DDO: variants seen among roughly 807,000 people sequenced by gnomAD.
The protein encoded by DDO is D-aspartate oxidase, DDO.
Under a neutral mutation model 16.8 loss-of-function variants are expected in DDO, and 16 were observed. The observed-to-expected ratio is 0.95, with a 90% CI of 0.65 to 1.45. The LOEUF (loss-of-function observed/expected upper bound fraction) is 1.45. DDO is among the 40% of genes most tolerant of loss of function. The pLI, the probability that DDO is intolerant of heterozygous loss-of-function variation, is 0.00. For synonymous variants in DDO, 180 were observed against 167.2 expected, an observed-to-expected ratio of 1.08 and a Z score of -0.59; for missense variants, 429 against 420.3, an observed-to-expected ratio of 1.02 and a Z score of -0.18.
intron 2 of DDO, among the ~76,000 whole-genome samples, chr6:110,411,789 A>T (rs1221367715): frequency 2.0e-5 from 3 of 152,206 alleles, no homozygotes; most frequent in Non-Finnish European, 4.4e-5. Context: ...GATAAAAAAT[A>T]AAAAATAAAA....
intron 2 of DDO, among the ~76,000 whole-genome samples, chr6:110,412,326 C>T (rs576173971): frequency 5.9e-5 from 9 of 151,940 alleles, no homozygotes; most frequent in African/African-American, 1.4e-4. Context: ...TGATTACAAA[C>T]ATATTGATAA....
At chr6:110,405,036 T>C (rs760789679) in intron 3 of DDO, 86 bp from the exon 4 acceptor site, 16 of 1,225,616 alleles carry the variant, frequency 1.3e-5, no homozygotes, top group Non-Finnish European at 1.8e-5. Context: ...CTCTAGAGCA[T>C]TTATTTTATT....
chr6:110,413,835 G>A lies in DDO; in HGVS notation c.-4-369C>T, dbSNP rs7742777. ...GTTGCCCAGCCTGGAGTACAGCGAC[G>A]AGATCTCGGCTCACTGCAACCTCCG... On this transcript the variant is annotated intron_variant, in intron 1 of 4. Transcript: ENST00000368924. 2.4e-3 allele frequency among the ~76,000 whole-genome samples: 370 copies of A among 152,122 alleles called. 1 individual carries two copies. The highest frequency in any genetic ancestry group is 4.6e-3 in the Non-Finnish European group (312 of 67,986).
intron 4 of DDO, among the ~76,000 whole-genome samples, chr6:110,395,133 G>A (rs1327131083): frequency 6.6e-6 from 1 of 152,224 alleles, no homozygotes; most frequent in Admixed American, 6.5e-5. Context: ...TCTGCAGAAA[G>A]TGTTTTTGGA....
In DDO at chr6:110,394,785, C is replaced by G. The variant is rs186514784; in HGVS notation, c.459-1443G>C. On this transcript the variant is annotated intron_variant, in intron 4 of 4. Transcript: ENST00000368924. ...CTTCAAATCTCAGTTTCCTCATCTG[C>G]ATCATGGGGAGGATACCTCCCTTGC... Among the ~76,000 whole-genome samples, 15 of 152,344 alleles carry G rather than the reference C, an allele frequency of 9.8e-5. 1 individual carries two copies. The highest frequency in any genetic ancestry group is 9.1e-4 in the Admixed American group (14 of 15,312).
chr6:110,413,261 G>T (rs754687239), intron 2 of DDO, 30 bp downstream of exon 2: 2 of 1,606,848 alleles, frequency 1.2e-6, no homozygotes, highest in Non-Finnish European at 1.7e-6. Context: ...GACATCTATT[G>T]TATCTGATAG....
chr6:110,392,439 G>T lies in DDO; in HGVS notation c.*336C>A. On this transcript the variant is annotated 3_prime_UTR_variant, in exon 5 of 5. Transcript: ENST00000368924. The stretch of plus-strand genomic sequence containing the variant: ...TTTTTAACAAAAAATAGAGCTTTAT[G>T]CCCTATGCCATTAATGCTGGACTTC... 1 of 1,034,676 alleles carries T rather than the reference G, an allele frequency of 9.7e-7. No individual in the cohort carries two copies. The highest frequency in any genetic ancestry group is 1.2e-6 in the Non-Finnish European group (1 of 863,468). The allele number at this position is 1,034,676 out of a possible 1,614,324, so 64.1% of individuals were successfully genotyped here.
At chr6:110,401,873 A>T (rs1773496700) in intron 4 of DDO, among the ~76,000 whole-genome samples, 1 of 152,226 alleles carries the variant, frequency 6.6e-6, no homozygotes, top group African/African-American at 2.4e-5. Flanking sequence ...AAAAAGTAGT[A>T]ACCTCACAGT....
chr6:110,409,990 T>C (rs905986542), intron 2 of DDO, among the ~76,000 whole-genome samples: 1 of 144,394 alleles, frequency 6.9e-6, no homozygotes, highest in Non-Finnish European at 1.5e-5. Flanking sequence ...TAGCAAATGC[T>C]GATATAGCAC....
chr6:110,401,080 T>A (rs1773471752), intron 4 of DDO, among the ~76,000 whole-genome samples: 1 of 152,222 alleles, frequency 6.6e-6, no homozygotes, highest in South Asian at 2.1e-4. Context: ...AGGACAACTG[T>A]CTTCAGGGAA....
At position 110,392,819 on chromosome 6, in the gene DDO, A is replaced by C. The variant is rs1773143131; in HGVS notation, c.982T>G (p.Cys328Gly). The change falls in exon 5 of 5, where the codon TGT (cysteine) becomes GGT (glycine). Residue 328 changes from cysteine (C) to glycine (G), a missense_variant. Transcript: ENST00000368924. The stretch of plus-strand genomic sequence containing the variant: ...ATGGGGGTCCTGAGGGCATGGACAC[A>C]CTCGCTCACCAGCCTGGCGGCCTCC... ...ALEAARLVSE[C>G]VHALRTPIPK... The C allele has an allele frequency of 6.2e-7, 1 of 1,605,628 alleles. No individual in the cohort carries two copies. The highest frequency in any genetic ancestry group is 1.3e-5 in the African/African-American group (1 of 74,688).
At chr6:110,410,289 G>A (rs1773808954) in intron 2 of DDO, among the ~76,000 whole-genome samples, 1 of 152,222 alleles carries the variant, frequency 6.6e-6, no homozygotes, top group South Asian at 2.1e-4. Context: ...CCTCAGATGA[G>A]TGACTGTCTT....
intron 4 of DDO, among the ~76,000 whole-genome samples, chr6:110,402,854 A>G (rs1773526433): frequency 1.3e-5 from 2 of 152,032 alleles, no homozygotes; most frequent in Non-Finnish European, 2.9e-5. Context: ...GCCCTTGACC[A>G]TGTCTCTGAG....
rs777577415 is a variant in DDO, at chr6:110,413,294, G to T, written c.169C>A (p.Pro57Thr). ...AAGMLIPHTYPDTPIHTQKQW... is the reference protein window; with the variant it reads ...AAGMLIPHTYTDTPIHTQKQW... Reference sequence around the variant, plus strand: ...TAGAGGAGCTGAAATCTCTCACCTGGATAAGTGTGAGGAATAAGCATTCCG... The same window carrying T: ...TAGAGGAGCTGAAATCTCTCACCTGTATAAGTGTGAGGAATAAGCATTCCG... Residue 57 changes from proline to threonine, a missense_variant, in exon 2 of 5, where the codon CCA (proline) becomes ACA (threonine). Transcript: ENST00000368924. 3.1e-6 allele frequency: 5 copies of T among 1,613,980 alleles called. No homozygotes were observed. The East Asian group carries it at 1.1e-4, about 36-fold the overall frequency.
At chr6:110,407,643 C>T (rs1773702867) in intron 3 of DDO, among the ~76,000 whole-genome samples, 1 of 152,066 alleles carries the variant, frequency 6.6e-6, no homozygotes, top group African/African-American at 2.4e-5. Flanking sequence ...TATGATGACA[C>T]TGAGAAGTAA....
chr6:110,401,637 T>C (rs1431946679), intron 4 of DDO, among the ~76,000 whole-genome samples: 1 of 151,948 alleles, frequency 6.6e-6, no homozygotes, highest in Non-Finnish European at 1.5e-5. Flanking sequence ...TAAATACATA[T>C]AGGAAAAGGA....
intron 2 of DDO, 29 bp downstream of exon 2, chr6:110,413,262 T>C: frequency 1.2e-6 from 2 of 1,609,390 alleles, no homozygotes; most frequent in Non-Finnish European, 1.7e-6. Context: ...ACATCTATTG[T>C]ATCTGATAGA....
intron 4 of DDO, among the ~76,000 whole-genome samples, chr6:110,395,304 T>C (rs1256347075): frequency 6.6e-6 from 1 of 152,054 alleles, no homozygotes; most frequent in African/African-American, 2.4e-5. Flanking sequence ...AACTGGGACA[T>C]TGGCTTTTTC....
intron 2 of DDO, among the ~76,000 whole-genome samples, chr6:110,409,441 A>T (rs566603344): frequency 3.2e-4 from 49 of 152,278 alleles, no homozygotes; most frequent in African/African-American, 1.1e-3. Flanking sequence ...GGCAGAGAGG[A>T]TGCTAAGTTG....
Sources: allele counts gnomAD v4.1 joint callset (sites outside exome capture counted in the v4.1 genomes callset), GRCh38; gene constraint gnomAD v4.1.1; transcripts MANE v1.5; gene names NCBI Gene and HGNC (gene_info 2026-07-23, HGNC 2026-07-21).